Variants in NTN1 observed in about 807,000 individuals in gnomAD.
NTN1 encodes the protein netrin-1.
NTN1 carries 11 observed loss-of-function variants against 54.2 expected under a neutral mutation model. The observed-to-expected ratio is 0.20, with a 90% CI of 0.13 to 0.34. The LOEUF (loss-of-function observed/expected upper bound fraction) is 0.34, where lower values mean the gene tolerates loss of function less well. Ranked by LOEUF, NTN1 falls within the 10% of genes least tolerant of loss-of-function variation. NTN1 has a pLI of 1.00. For missense variants in NTN1, 740 were observed against 893.1 expected, an observed-to-expected ratio of 0.83 and a Z score of 2.18; for synonymous variants, 371 against 382.0, an observed-to-expected ratio of 0.97 and a Z score of 0.33.
intron 2 of NTN1, among the ~76,000 whole-genome samples, chr17:9,040,619 G>GTAATGGTATATATAA (rs1427714414): frequency 7.2e-5 from 11 of 152,072 alleles, no homozygotes; most frequent in Non-Finnish European, 8.8e-5. Flanking sequence ...GAATGTCAAA[G>GTAATGGTATATATAA]TAATGGTATA....
chr17:9,092,999 C>A (rs1567708611), intron 2 of NTN1, among the ~76,000 whole-genome samples: 1 of 152,188 alleles, frequency 6.6e-6, no homozygotes, highest in Non-Finnish European at 1.5e-5. Context: ...CCCTTGTGAT[C>A]CGCCCGCCTC....
At chr17:9,077,603 A>C (rs1006754281) in intron 2 of NTN1, among the ~76,000 whole-genome samples, 1 of 152,232 alleles carries the variant, frequency 6.6e-6, no homozygotes, top group African/African-American at 2.4e-5. Context: ...CTATATGAAT[A>C]ATAATAACAA....
upstream of NTN1, among the ~76,000 whole-genome samples, chr17:9,018,077 G>C: frequency 6.6e-6 from 1 of 152,140 alleles, no homozygotes; most frequent in East Asian, 1.9e-4. Context: ...AGAGAGGGGG[G>C]TTTGGAATGG....
chr17:9,080,324 C>T (rs938604115), intron 2 of NTN1, among the ~76,000 whole-genome samples: 4 of 152,204 alleles, frequency 2.6e-5, no homozygotes, highest in Non-Finnish European at 5.9e-5. Flanking sequence ...TTGACTGGTC[C>T]TCCTTGCTGC....
chr17:9,082,585 G>T (rs1019991087), intron 2 of NTN1, among the ~76,000 whole-genome samples: 1 of 152,204 alleles, frequency 6.6e-6, no homozygotes, highest in Admixed American at 6.5e-5. Context: ...GGCAGAGTGT[G>T]GGGCCGTGAG....
At chr17:9,032,797 G>A (rs970802800) in intron 2 of NTN1, among the ~76,000 whole-genome samples, 11 of 152,084 alleles carry the variant, frequency 7.2e-5, no homozygotes, top group Admixed American at 3.9e-4. Context: ...GACCTCAGAG[G>A]TGGGCAGGTC....
At chr17:9,117,538 G>A (rs1278654539) in intron 2 of NTN1, among the ~76,000 whole-genome samples, 1 of 152,064 alleles carries the variant, frequency 6.6e-6, no homozygotes, top group African/African-American at 2.4e-5. Flanking sequence ...AAGGTCAGGA[G>A]TTCGAGACCA....
intron 2 of NTN1, among the ~76,000 whole-genome samples, chr17:9,157,601 G>A (rs970674174): frequency 1.3e-5 from 2 of 152,214 alleles, no homozygotes; most frequent in East Asian, 3.8e-4. Flanking sequence ...CCTTACCCTC[G>A]TTATGCCCTG....
At chr17:9,158,004 C>G (rs2092347980) in intron 2 of NTN1, among the ~76,000 whole-genome samples, 1 of 152,154 alleles carries the variant, frequency 6.6e-6, no homozygotes, top group Non-Finnish European at 1.5e-5. Flanking sequence ...CTGTGTGGAG[C>G]CGAGGGATCC....
At chr17:9,124,754 G>T (rs1333476088) in intron 2 of NTN1, among the ~76,000 whole-genome samples, 1 of 152,192 alleles carries the variant, frequency 6.6e-6, no homozygotes, top group African/African-American at 2.4e-5. Flanking sequence ...GTCAGCCACG[G>T]CGGCAGAGTC....
intron 5 of NTN1, among the ~76,000 whole-genome samples, chr17:9,207,663 C>T (rs1013652215): frequency 6.6e-6 from 1 of 152,192 alleles, no homozygotes; most frequent in African/African-American, 2.4e-5. Context: ...AGCCCTGAAG[C>T]TCATCAGTAG....
intron 5 of NTN1, among the ~76,000 whole-genome samples, chr17:9,195,697 C>T (rs1904614061): frequency 6.6e-6 from 1 of 152,182 alleles, no homozygotes; most frequent in South Asian, 2.1e-4. Flanking sequence ...CTGGGTCACA[C>T]CTGGCCTGAG....
chr17:9,238,110 C>G (rs145300787), intron 6 of NTN1, among the ~76,000 whole-genome samples: 3 of 152,164 alleles, frequency 2.0e-5, no homozygotes, highest in Non-Finnish European at 2.9e-5. Flanking sequence ...GGGGTGCCCT[C>G]GGAGTGCAGG....
At chr17:9,121,302 G>A (rs1308864182) in intron 2 of NTN1, among the ~76,000 whole-genome samples, 4 of 152,030 alleles carry the variant, frequency 2.6e-5, no homozygotes, top group Non-Finnish European at 4.4e-5. Context: ...GAACCAGCAC[G>A]TCCCCGGCCG....
intron 6 of NTN1, among the ~76,000 whole-genome samples, chr17:9,223,883 G>A (rs1385276800): frequency 2.0e-5 from 3 of 152,192 alleles, no homozygotes; most frequent in African/African-American, 7.2e-5. Context: ...GGTAACCTCG[G>A]CAAGGAGGTA....
chr17:9,142,113 C>T (rs906756705), intron 2 of NTN1, among the ~76,000 whole-genome samples: 7 of 150,778 alleles, frequency 4.6e-5, no homozygotes, highest in African/African-American at 9.8e-5. Flanking sequence ...GGCGACAGAG[C>T]GAGACTCCAT....
chr17:9,043,579 T>C (rs1056658932), intron 2 of NTN1, among the ~76,000 whole-genome samples: 1 of 148,534 alleles, frequency 6.7e-6, no homozygotes, highest in African/African-American at 2.4e-5. Flanking sequence ...ATCTCTCTCT[T>C]TTTTTTTTTT....
intron 2 of NTN1, among the ~76,000 whole-genome samples, chr17:9,161,898 C>CGGT (rs201752582): frequency 6.8e-6 from 1 of 147,168 alleles, no homozygotes; most frequent in Non-Finnish European, 1.5e-5. Flanking sequence ...TGAATGATGT[C>CGGT]GGGCAGGTGA....
chr17:9,167,481 C>T (rs896847326), intron 3 of NTN1, among the ~76,000 whole-genome samples: 1 of 152,192 alleles, frequency 6.6e-6, no homozygotes, highest in Non-Finnish European at 1.5e-5. Context: ...AAATTAACCA[C>T]TGCATCCAGC....
Sources: gnomAD v4.1 joint callset for allele counts (sites outside exome capture counted in the v4.1 genomes callset) on GRCh38, gnomAD v4.1.1 for gene constraint, MANE v1.5 for transcripts, NCBI Gene and HGNC (gene_info 2026-07-23, HGNC 2026-07-21) for gene names.